Variants in DMXL1 observed in about 807,000 individuals in gnomAD.
The protein encoded by DMXL1 is Dmx like 1, also known as dmX-like protein 1.
Under a neutral mutation model 319.2 loss-of-function variants are expected in DMXL1, and 99 were observed. That is an observed-to-expected ratio of 0.31 (90% CI 0.26 to 0.37). The LOEUF (loss-of-function observed/expected upper bound fraction) is 0.37. Among genes scored for constraint, DMXL1 ranks in the 10% least tolerant of loss-of-function variants. The pLI is 1.00. For synonymous variants in DMXL1, 1,385 were observed against 1,235.2 expected, an observed-to-expected ratio of 1.12 and a Z score of -2.54; for missense variants, 3,745 against 3,595.6, an observed-to-expected ratio of 1.04 and a Z score of -1.06.
At chr5:119,121,865 G>A (rs1055798082) in intron 9 of DMXL1, among the ~76,000 whole-genome samples, 1 of 151,584 alleles carries the variant, frequency 6.6e-6, no homozygotes, top group Non-Finnish European at 1.5e-5. Context: ...TGGCCGGGCA[G>A]AGGCGCCCCT....
intron 15 of DMXL1, 23 bp downstream of exon 15, chr5:119,144,661 A>T (rs374077033): frequency 1.4e-6 from 2 of 1,440,054 alleles, no homozygotes; most frequent in African/African-American, 2.9e-5. Context: ...TATTTATGGA[A>T]TGAGAAATAC....
chr5:119,167,066 A>G (rs1044131837), intron 22 of DMXL1, among the ~76,000 whole-genome samples: 1 of 152,172 alleles, frequency 6.6e-6, no homozygotes, highest in Non-Finnish European at 1.5e-5. Flanking sequence ...TTGTCCTACC[A>G]GTTTAAACAT....
At chr5:119,240,348 A>T in intron 41 of DMXL1, 71 bp from the exon 42 acceptor site, 1 of 1,085,730 alleles carries the variant, frequency 9.2e-7, no homozygotes, top group Non-Finnish European at 1.4e-6. Flanking sequence ...AAGGTCACAC[A>T]GTTATATATG....
intron 10 of DMXL1, among the ~76,000 whole-genome samples, chr5:119,130,663 T>C (rs533938110): frequency 6.6e-6 from 1 of 152,076 alleles, no homozygotes; most frequent in Non-Finnish European, 1.5e-5. Flanking sequence ...TTTAATTCAG[T>C]CAGTAATGGG....
chr5:119,236,662 TA>T (rs1787813198), intron 39 of DMXL1: 1 of 152,012 alleles, frequency 6.6e-6, no homozygotes, highest in Non-Finnish European at 1.5e-5. Flanking sequence ...ATCAAATTGT[TA>T]ATAGATGTTA....
intron 5 of DMXL1, among the ~76,000 whole-genome samples, chr5:119,112,043 C>T (rs1759736569): frequency 6.6e-6 from 1 of 152,172 alleles, no homozygotes; most frequent in African/African-American, 2.4e-5. Flanking sequence ...TCACTGCAAG[C>T]TCCGCCTCCC....
chr5:119,132,264 G>A (rs879182211), intron 10 of DMXL1, among the ~76,000 whole-genome samples: 6 of 152,164 alleles, frequency 3.9e-5, no homozygotes, highest in Non-Finnish European at 7.3e-5. Flanking sequence ...ATAAGGTGGC[G>A]AAAGAGGCCC....
In DMXL1 at chr5:119,101,986, C is replaced by G. The variant is rs1389314997; in HGVS notation, c.265C>G (p.Pro89Ala). ...CTCCATTTTTGAACCAGTTAACCTA[C>G]CAAAACAAAAGAAAAATTTGGTCAG... The part of the protein sequence containing the change: ...VISIFEPVNL[P>A]KQKKNLELYS... The change falls in exon 3 of 44, where the codon CCA becomes GCA. Residue 89 changes from proline to alanine, a missense_variant. Transcript: ENST00000539542. The G allele has an allele frequency of 6.2e-7, 1 of 1,603,278 alleles. No homozygotes were observed. Among genetic ancestry groups the G allele is most frequent in the South Asian group, 1.1e-5 (1 of 88,506 alleles).
intron 37 of DMXL1, among the ~76,000 whole-genome samples, chr5:119,222,071 A>T (rs1175476979): frequency 3.9e-5 from 6 of 152,184 alleles, no homozygotes; most frequent in Non-Finnish European, 8.8e-5. Flanking sequence ...TTCATTAATT[A>T]GTATGAGCAA....
chr5:119,121,784 A>G (rs1045601467), intron 9 of DMXL1, among the ~76,000 whole-genome samples: 10 of 152,168 alleles, frequency 6.6e-5, no homozygotes, highest in South Asian at 2.1e-4. Flanking sequence ...CCCGTTCTCA[A>G]TGAGCTGTTG....
chr5:119,112,116 C>T (rs1298341795), intron 5 of DMXL1, among the ~76,000 whole-genome samples: 1 of 152,282 alleles, frequency 6.6e-6, no homozygotes, highest in East Asian at 1.9e-4. Context: ...GCTCTACCAC[C>T]ATGCCCGGCT....
chr5:119,176,903 T>C (rs1359219077), intron 26 of DMXL1, among the ~76,000 whole-genome samples: 1 of 152,076 alleles, frequency 6.6e-6, no homozygotes, highest in East Asian at 1.9e-4. Context: ...CTTTTAAGAG[T>C]AGTATGATAA....
chr5:119,076,889 C>T (rs961031868), intron 1 of DMXL1, among the ~76,000 whole-genome samples: 4 of 152,186 alleles, frequency 2.6e-5, no homozygotes, highest in South Asian at 2.1e-4. Flanking sequence ...TCCTGTGCAT[C>T]GTGTTTATTC....
intron 15 of DMXL1, 37 bp downstream of exon 15, chr5:119,144,675 G>C: frequency 7.6e-7 from 1 of 1,316,512 alleles, no homozygotes; most frequent in Non-Finnish European, 1.1e-6. Context: ...GAAATACTAT[G>C]TACAGTATGT....
At chr5:119,155,501 A>T (rs954071489) in intron 19 of DMXL1, among the ~76,000 whole-genome samples, 7 of 152,200 alleles carry the variant, frequency 4.6e-5, no homozygotes, top group Admixed American at 2.6e-4. Flanking sequence ...TAGAATTAAA[A>T]GTAGAACCTG....
At chr5:119,232,404 G>C (rs117059189) in intron 38 of DMXL1, among the ~76,000 whole-genome samples, 2 of 152,138 alleles carry the variant, frequency 1.3e-5, no homozygotes, top group Non-Finnish European at 2.9e-5. Flanking sequence ...GCAAGTGCTA[G>C]ATGTTTTATA....
chr5:119,195,579 G>C (rs920520987), intron 30 of DMXL1, among the ~76,000 whole-genome samples: 5 of 152,156 alleles, frequency 3.3e-5, no homozygotes, highest in Admixed American at 6.5e-5. Context: ...GGCTGGTGGT[G>C]GGGGGAGAAT....
At position 119,186,359 on chromosome 5, in the gene DMXL1, C is replaced by T. The variant is rs1006642871; in HGVS notation, c.7136-3349C>T. 2.0e-5 allele frequency among the ~76,000 whole-genome samples: 3 copies of T among 152,026 alleles called. No individual in the cohort carries two copies. In the East Asian group the frequency reaches 5.8e-4, roughly 29 times the overall value. ...GATCTCAGCTCACTGCAACCTCCAC[C>T]TCCTGGGCTCAAGTGATCCTCCCAA... On this transcript the variant is annotated intron_variant, in intron 28 of 43. Transcript: ENST00000539542.
intron 1 of DMXL1, among the ~76,000 whole-genome samples, chr5:119,075,220 C>T: frequency 6.7e-6 from 1 of 149,170 alleles, no homozygotes. Context: ...ATAAAATATT[C>T]CTGTTAGTTT....
Sources: allele counts gnomAD v4.1 joint callset (sites outside exome capture counted in the v4.1 genomes callset), GRCh38; gene constraint gnomAD v4.1.1; transcripts MANE v1.5; gene names NCBI Gene and HGNC (gene_info 2026-07-23, HGNC 2026-07-21).